CFAP46: variants seen among roughly 807,000 people sequenced by gnomAD.
CFAP46 encodes the protein cilia and flagella associated protein 46.
CFAP46 carries 245 observed loss-of-function variants against 325.7 expected under a neutral mutation model. That is an observed-to-expected ratio of 0.75 (90% CI 0.68 to 0.84). The LOEUF is 0.84. Ranked by LOEUF, CFAP46 falls within the 40% of genes least tolerant of loss-of-function variation. The pLI, the probability that CFAP46 is intolerant of heterozygous loss-of-function variation, is 0.00. For missense variants in CFAP46, 3,346 were observed against 3,543.0 expected, an observed-to-expected ratio of 0.94 and a Z score of 1.41; for synonymous variants, 1,523 against 1,495.9, an observed-to-expected ratio of 1.02 and a Z score of -0.42.
At chr10:132,887,929 T>C (rs1591073998) in intron 25 of CFAP46, among the ~76,000 whole-genome samples, 1 of 53,880 alleles carries the variant, frequency 1.9e-5, no homozygotes, top group East Asian at 4.3e-4. Context: ...TCTCCTCTCC[T>C]CTCTCCTCTT....
intron 43 of CFAP46, 83 bp downstream of exon 43, chr10:132,846,849 C>A (rs1389236591): frequency 4.3e-5 from 63 of 1,471,794 alleles, no homozygotes; most frequent in Non-Finnish European, 5.2e-5. Flanking sequence ...GGAGTCCCCC[C>A]AAGGCGAGGG....
intron 39 of CFAP46, among the ~76,000 whole-genome samples, chr10:132,855,393 C>G (rs990657171): frequency 5.9e-5 from 9 of 152,186 alleles, no homozygotes; most frequent in African/African-American, 2.2e-4. Context: ...CCATTCTTCT[C>G]CTTTTAACCT....
intron 50 of CFAP46, among the ~76,000 whole-genome samples, chr10:132,821,088 CTGATGTGTGCTT>C (rs1450449377): frequency 2.0e-5 from 2 of 99,892 alleles, no homozygotes; most frequent in African/African-American, 3.9e-5. Flanking sequence ...GCTGTGTGTG[CTGATGTGTGCTT>C]TGTGTGTGCT....
Position 132,814,116 on chromosome 10 carries a change from A to G in CFAP46, c.7388+36T>C, listed in dbSNP as rs1454451533. On this transcript the variant is annotated intron_variant, in intron 54 of 57. Transcript: ENST00000368586. Reference sequence around the variant, plus strand: ...TCCCCGCTGGACCCCCAGACCTGCCACACTGCAAACGGCTCCTGGGAGCCC... The same window carrying G: ...TCCCCGCTGGACCCCCAGACCTGCCGCACTGCAAACGGCTCCTGGGAGCCC... The G allele has an allele frequency of 2.5e-6, 4 of 1,569,514 alleles. No homozygotes were observed. In the South Asian group the frequency reaches 4.4e-5, roughly 17 times the overall value.
At position 132,942,529 on chromosome 10, in the gene CFAP46, C is replaced by CG; in HGVS notation, c.-46dup. 8.0e-7 allele frequency: 1 copy of CG among 1,248,792 alleles called. No individual in the cohort carries two copies. The highest frequency in any genetic ancestry group is 3.4e-5 in the South Asian group (1 of 29,010). The allele number at this position is 1,248,792 out of a possible 1,614,324, so 77.4% of individuals were successfully genotyped here. A position where few individuals can be genotyped will look rare whatever the true frequency, so the allele number is the denominator to read the frequency against. ...TCCGCTCTCTCCGGGGTCCGCGGTG[C>CG]GTCCTGCCGCCCACTGTCGGTTGGG... On this transcript the variant is annotated 5_prime_UTR_variant, in exon 1 of 58. Transcript: ENST00000368586.
At chr10:132,903,923 A>G (rs1229467101) in intron 22 of CFAP46, among the ~76,000 whole-genome samples, 3 of 152,226 alleles carry the variant, frequency 2.0e-5, no homozygotes, top group Non-Finnish European at 4.4e-5. Context: ...TATAATATAT[A>G]TTCCTTGACA....
At chr10:132,849,709 C>T (rs541811954) in intron 41 of CFAP46, among the ~76,000 whole-genome samples, 1 of 152,180 alleles carries the variant, frequency 6.6e-6, no homozygotes, top group African/African-American at 2.4e-5. Flanking sequence ...CTCAGAGCCA[C>T]CTGGGCATGG....
At chr10:132,837,193 G>C (rs575365049) in intron 44 of CFAP46, 177 of 445,592 alleles carry the variant, frequency 4.0e-4, no homozygotes, top group Non-Finnish European at 6.0e-4. Context: ...GACGCAAAGT[G>C]CATGTTCACC....
chr10:132,826,893 C>T (rs1564769080), intron 50 of CFAP46, among the ~76,000 whole-genome samples: 1 of 152,176 alleles, frequency 6.6e-6, no homozygotes, highest in Non-Finnish European at 1.5e-5. Context: ...CTTTGCAGTA[C>T]AGTCAGGAGG....
intron 53 of CFAP46, 49 bp downstream of exon 53, chr10:132,814,528 G>A (rs760250944): frequency 1.9e-6 from 3 of 1,546,726 alleles, no homozygotes; most frequent in South Asian, 2.4e-5. Flanking sequence ...GACGGCAGGA[G>A]GCCCGAGGCT....
At chr10:132,891,221 A>G (rs957363898) in intron 25 of CFAP46, among the ~76,000 whole-genome samples, 1 of 152,228 alleles carries the variant, frequency 6.6e-6, no homozygotes, top group Non-Finnish European at 1.5e-5. Flanking sequence ...AGGTTCATGT[A>G]AACCAAAAAT....
At chr10:132,845,898 C>T (rs550348599) in intron 44 of CFAP46, among the ~76,000 whole-genome samples, 159 bp downstream of exon 44, 140 of 152,304 alleles carry the variant, frequency 9.2e-4, no homozygotes, top group African/African-American at 3.2e-3. Flanking sequence ...CTTGGAGAGG[C>T]GACCCAGGTG....
chr10:132,880,854 G>C lies in CFAP46; in HGVS notation c.3799+7C>G. On this transcript the variant is annotated splice_region_variant and intron_variant, in intron 28 of 57. Transcript: ENST00000368586. ...GGGTCGGCACCCTGCCAGCGGCGTGGGCTCACCATCCGGCGTGGGCTGTGG... is the reference window on the plus strand; with the variant it reads ...GGGTCGGCACCCTGCCAGCGGCGTGCGCTCACCATCCGGCGTGGGCTGTGG... 6.5e-7 allele frequency: 1 copy of C among 1,545,050 alleles called. No individual in the cohort carries two copies. The highest frequency in any genetic ancestry group is 2.4e-5 in the East Asian group (1 of 40,886).
At chr10:132,923,887 G>A (rs923579341) in intron 11 of CFAP46, among the ~76,000 whole-genome samples, 2 of 152,126 alleles carry the variant, frequency 1.3e-5, no homozygotes, top group African/African-American at 4.8e-5. Context: ...AGGTATAGTC[G>A]AGAAACCAAG....
chr10:132,846,034 C>T, intron 44 of CFAP46, 23 bp downstream of exon 44: 1 of 1,592,000 alleles, frequency 6.3e-7, no homozygotes, highest in Non-Finnish European at 8.5e-7. Context: ...GGGGCAGGTT[C>T]AGCGGCATCC....
intron 36 of CFAP46, 41 bp downstream of exon 36, chr10:132,860,741 C>T (rs1246915473): frequency 6.5e-7 from 1 of 1,542,970 alleles, no homozygotes. Flanking sequence ...AGCACCTGGC[C>T]CGGCACCCGA....
intron 8 of CFAP46, among the ~76,000 whole-genome samples, chr10:132,933,152 G>A (rs1849939101): frequency 6.6e-6 from 1 of 152,212 alleles, no homozygotes; most frequent in South Asian, 2.1e-4. Context: ...CTGTGGGCAG[G>A]AGGCTGCTTT....
At chr10:132,931,896 A>G (rs1277794836) in intron 8 of CFAP46, among the ~76,000 whole-genome samples, 2 of 132,014 alleles carry the variant, frequency 1.5e-5, no homozygotes, top group African/African-American at 5.8e-5. Context: ...CATTCCCCAC[A>G]TAGAGCCTGG....
At chr10:132,894,788 C>T (rs1413570154) in intron 24 of CFAP46, among the ~76,000 whole-genome samples, 1 of 152,084 alleles carries the variant, frequency 6.6e-6, no homozygotes, top group Non-Finnish European at 1.5e-5. Context: ...TCTCAACAGA[C>T]TTATAATAAG....
Sources: gnomAD v4.1 joint callset for allele counts (sites outside exome capture counted in the v4.1 genomes callset) on GRCh38, gnomAD v4.1.1 for gene constraint, MANE v1.5 for transcripts, NCBI Gene and HGNC (gene_info 2026-07-23, HGNC 2026-07-21) for gene names.